Variants in FBXL17 observed in about 807,000 individuals in gnomAD.
FBXL17 encodes the protein F-box/LRR-repeat protein 17.
In FBXL17, 22 loss-of-function variants were observed where a neutral mutation model predicts 66.2. That is an observed-to-expected ratio of 0.33 (90% CI 0.24 to 0.47). FBXL17 has a LOEUF of 0.47. Ranked by LOEUF, FBXL17 falls within the 20% of genes least tolerant of loss-of-function variation. FBXL17 has a pLI of 1.00. For missense variants in FBXL17, 878 were observed against 948.2 expected (o/e 0.93, Z 0.97); for synonymous variants, 474 against 400.5 (o/e 1.18, Z -2.19).
intron 1 of FBXL17, among the ~76,000 whole-genome samples, chr5:108,378,876 A>G (rs866013644): frequency 1.6e-4 from 24 of 152,216 alleles, no homozygotes; most frequent in African/African-American, 4.8e-4. Context: ...ACAATCGCTA[A>G]TTCAATTCAT....
intron 7 of FBXL17, among the ~76,000 whole-genome samples, chr5:107,985,715 GA>G (rs1173122496): frequency 1.3e-5 from 2 of 152,088 alleles, no homozygotes; most frequent in Non-Finnish European, 2.9e-5. Flanking sequence ...CTCCCAAAGG[GA>G]ACTCTTAATG....
chr5:108,197,267 A>C (rs987226986), intron 5 of FBXL17, among the ~76,000 whole-genome samples: 1 of 152,226 alleles, frequency 6.6e-6, no homozygotes, highest in Admixed American at 6.6e-5. Context: ...AAATATTCAC[A>C]CTGTTTCACT....
intron 6 of FBXL17, among the ~76,000 whole-genome samples, chr5:108,138,063 C>T (rs1044087585): frequency 2.0e-5 from 3 of 152,052 alleles, no homozygotes; most frequent in Non-Finnish European, 2.9e-5. Flanking sequence ...TTTATAAATG[C>T]AAAGATAACT....
chr5:107,976,192 T>C (rs1050999641), intron 7 of FBXL17, among the ~76,000 whole-genome samples: 1 of 152,154 alleles, frequency 6.6e-6, no homozygotes, highest in African/African-American at 2.4e-5. Context: ...TTATAAGAAG[T>C]ATAAAGAACA....
rs368069092 is a variant in FBXL17, at chr5:108,251,574, T to C, written c.1507-27346A>G. On this transcript the variant is annotated intron_variant, in intron 4 of 8. Transcript: ENST00000542267. ...GTCTGGTTTTCAAAATTCATAAGAT[T>C]TCCTGAAACTGAGCCAAGAGAAGTT... Among the ~76,000 whole-genome samples the C allele has an allele frequency of 5.9e-5, 9 of 152,118 alleles. No homozygotes were observed. In the East Asian group the frequency reaches 1.7e-3, roughly 29 times the overall value.
chr5:108,377,099 C>T (rs1199039981), intron 1 of FBXL17, among the ~76,000 whole-genome samples: 1 of 152,180 alleles, frequency 6.6e-6, no homozygotes, highest in Non-Finnish European at 1.5e-5. Context: ...CAGCTATGTA[C>T]ATGCCAAAGA....
At chr5:107,897,425 G>C (rs1356722644) in intron 7 of FBXL17, among the ~76,000 whole-genome samples, 1 of 152,126 alleles carries the variant, frequency 6.6e-6, no homozygotes, top group African/African-American at 2.4e-5. Flanking sequence ...TCTTTTGGTT[G>C]TACAGCAAGA....
intron 7 of FBXL17, among the ~76,000 whole-genome samples, chr5:107,887,786 G>A (rs570711647): frequency 6.6e-6 from 1 of 152,282 alleles, no homozygotes; most frequent in South Asian, 2.1e-4. Context: ...AGACGCCTGA[G>A]TCCCACCCCT....
Position 108,381,141 on chromosome 5 carries a change from G to A in FBXL17, c.551C>T (p.Pro184Leu), listed in dbSNP as rs1485808134. 3 of 1,385,562 alleles carry A rather than the reference G, an allele frequency of 2.2e-6. No individual in the cohort carries two copies. The highest frequency in any genetic ancestry group is 3.2e-5 in the South Asian group (2 of 62,892). 85.8% of individuals were successfully genotyped at this position (1,385,562 alleles called of 1,614,324 possible). A position where few individuals can be genotyped will look rare whatever the true frequency, so the allele number is the denominator to read the frequency against. Residue 184 changes from proline (P) to leucine (L), a missense_variant, in exon 1 of 9, where the codon CCG becomes CTG. Around this residue, in one of 4 missense-constraint regions of FBXL17, gnomAD observed 605 missense variants for 509.5 expected, o/e 1.19. Transcript: ENST00000542267. ...AAVQLFRGPT[P>L]SPAELPTPPE... The stretch of plus-strand genomic sequence containing the variant: ...GGGCGTAGGGAGCTCGGCCGGTGAC[G>A]GTGTCGGCCCCCGGAAGAGCTGCAC...
intron 6 of FBXL17, among the ~76,000 whole-genome samples, chr5:108,053,837 A>C (rs1426914431): frequency 6.6e-6 from 1 of 152,212 alleles, no homozygotes; most frequent in East Asian, 1.9e-4. Flanking sequence ...CACTATTTAC[A>C]ATACCAAAGT....
intron 4 of FBXL17, among the ~76,000 whole-genome samples, chr5:108,234,475 C>G (rs1000598473): frequency 6.6e-6 from 1 of 152,238 alleles, no homozygotes; most frequent in East Asian, 1.9e-4. Context: ...GGCTTTAAAA[C>G]CTATGCTTTG....
intron 6 of FBXL17, among the ~76,000 whole-genome samples, chr5:108,099,450 G>C (rs1301582541): frequency 6.6e-6 from 1 of 152,184 alleles, no homozygotes; most frequent in Admixed American, 6.5e-5. Context: ...GATGCAGTTA[G>C]AGTTGAACAC....
intron 7 of FBXL17, among the ~76,000 whole-genome samples, chr5:107,904,624 A>G (rs1749693624): frequency 6.6e-6 from 1 of 152,152 alleles, no homozygotes; most frequent in Non-Finnish European, 1.5e-5. Context: ...CATCATAAAC[A>G]CTAGATAACT....
At chr5:108,123,857 GA>G (rs1395295777) in intron 6 of FBXL17, among the ~76,000 whole-genome samples, 1 of 152,096 alleles carries the variant, frequency 6.6e-6, no homozygotes, top group Non-Finnish European at 1.5e-5. Context: ...CTTTCATATG[GA>G]AAACATAAGA....
chr5:108,117,510 T>A (rs1220172790), intron 6 of FBXL17, among the ~76,000 whole-genome samples: 2 of 152,194 alleles, frequency 1.3e-5, no homozygotes, highest in Non-Finnish European at 2.9e-5. Context: ...CTTGGCTTTA[T>A]AATTTAAAAT....
chr5:108,136,049 T>G (rs1488646621), intron 6 of FBXL17, among the ~76,000 whole-genome samples: 1 of 152,122 alleles, frequency 6.6e-6, no homozygotes, highest in African/African-American at 2.4e-5. Flanking sequence ...TGAATTATTT[T>G]GGGGGAGAAA....
intron 7 of FBXL17, among the ~76,000 whole-genome samples, chr5:107,940,374 A>G (rs901051436): frequency 6.6e-6 from 1 of 152,096 alleles, no homozygotes; most frequent in African/African-American, 2.4e-5. Flanking sequence ...GAGGAGGGGG[A>G]CACATGGACA....
chr5:108,121,323 T>A (rs1750487566), intron 6 of FBXL17, among the ~76,000 whole-genome samples: 1 of 150,966 alleles, frequency 6.6e-6, no homozygotes, highest in Non-Finnish European at 1.5e-5. Context: ...CAAGACTCCA[T>A]CTCAAAAAAA....
chr5:107,950,851 T>C lies in FBXL17; in HGVS notation c.1823-69672A>G, dbSNP rs543696630. 2.0e-5 allele frequency among the ~76,000 whole-genome samples: 3 copies of C among 152,316 alleles called. No homozygotes were observed. In the South Asian group the frequency reaches 6.2e-4, roughly 32 times the overall value. On this transcript the variant is annotated intron_variant, in intron 7 of 8. Transcript: ENST00000542267. ...CGTGATTAATGTGTGACAGTTATCATGAACACCATGAGCACGAACTAATAA... is the reference window on the plus strand; with the variant it reads ...CGTGATTAATGTGTGACAGTTATCACGAACACCATGAGCACGAACTAATAA...
Sources: gnomAD v4.1 joint callset for allele counts (sites outside exome capture counted in the v4.1 genomes callset) on GRCh38, gnomAD v4.1.1 for gene constraint, gnomAD v4.1.1 regional missense constraint, MANE v1.5 for transcripts, NCBI Gene and HGNC (gene_info 2026-07-23, HGNC 2026-07-21) for gene names.